ELAVL2: variants seen among roughly 807,000 people sequenced by gnomAD.
The protein encoded by ELAVL2 is ELAV-like protein 2.
A neutral mutation model predicts 34.6 loss-of-function variants in ELAVL2; 4 were observed. The ratio of observed to expected loss-of-function variants is 0.12; its 90% CI spans 0.06 to 0.26. The LOEUF (loss-of-function observed/expected upper bound fraction) is 0.26, where lower values mean the gene tolerates loss of function less well. Ranked by LOEUF, ELAVL2 falls within the 10% of genes least tolerant of loss-of-function variation. The pLI is 1.00. For missense variants in ELAVL2, 432 were observed against 442.8 expected, an observed-to-expected ratio of 0.98 and a Z score of 0.22; for synonymous variants, 193 against 154.8, an observed-to-expected ratio of 1.25 and a Z score of -1.83.
intron 3 of ELAVL2, among the ~76,000 whole-genome samples, chr9:23,720,517 T>G (rs903824691): frequency 5.9e-5 from 9 of 152,158 alleles, no homozygotes; most frequent in Non-Finnish European, 1.3e-4. Context: ...CTGAAAATTC[T>G]CCAAATACCC....
At chr9:23,704,758 A>G (rs564077135) in intron 4 of ELAVL2, among the ~76,000 whole-genome samples, 160 bp downstream of exon 4, 1 of 152,264 alleles carries the variant, frequency 6.6e-6, no homozygotes, top group African/African-American at 2.4e-5. Context: ...ATTTTTATCC[A>G]TGCATATTTA....
chr9:23,765,959 T>C (rs2056159814), intron 1 of ELAVL2, among the ~76,000 whole-genome samples: 1 of 152,156 alleles, frequency 6.6e-6, no homozygotes, highest in Non-Finnish European at 1.5e-5. Flanking sequence ...AGCCATGATA[T>C]TGGCACAAAA....
At chr9:23,726,883 T>C (rs761507598) in intron 3 of ELAVL2, among the ~76,000 whole-genome samples, 2 of 152,042 alleles carry the variant, frequency 1.3e-5, no homozygotes, top group African/African-American at 4.8e-5. Context: ...CTGAACACAG[T>C]AGGTACAACC....
intron 1 of ELAVL2, among the ~76,000 whole-genome samples, chr9:23,796,060 A>G (rs553035355): frequency 2.6e-5 from 4 of 152,216 alleles, no homozygotes; most frequent in Non-Finnish European, 5.9e-5. Flanking sequence ...TTGTTTCTTA[A>G]TTTTTATGAG....
Position 23,695,828 on chromosome 9 carries a change from C to T in ELAVL2, c.714-2342G>A, listed in dbSNP as rs542081570. Among the ~76,000 whole-genome samples, 21 of 152,206 alleles carry T rather than the reference C, an allele frequency of 1.4e-4. No homozygotes were observed. In the East Asian group the frequency reaches 3.7e-3, roughly 27 times the overall value. ...TTTTGCAGTCTACTATATTATGGTA[C>T]CACGGTCGTACATGTGATTAACTGA... is the stretch of plus-strand genomic sequence containing the variant. On this transcript the variant is annotated intron_variant, in intron 5 of 6. Transcript: ENST00000397312.
chr9:23,765,185 A>G, intron 1 of ELAVL2: 1 of 1,247,348 alleles, frequency 8.0e-7, no homozygotes, highest in African/African-American at 1.5e-5. Flanking sequence ...CAGTGATTGT[A>G]TTGATATTCC....
chr9:23,715,397 C>G (rs2042034773), intron 3 of ELAVL2, among the ~76,000 whole-genome samples: 1 of 152,218 alleles, frequency 6.6e-6, no homozygotes, highest in Admixed American at 6.5e-5. Flanking sequence ...AGCCGCCCGT[C>G]TCGGCCTCCC....
chr9:23,804,580 T>C (rs1324987235), intron 1 of ELAVL2, among the ~76,000 whole-genome samples: 1 of 152,188 alleles, frequency 6.6e-6, no homozygotes, highest in Non-Finnish European at 1.5e-5. Flanking sequence ...TTACAATAGA[T>C]ACCTTATACA....
At chr9:23,769,196 A>T (rs1418985520) in intron 1 of ELAVL2, among the ~76,000 whole-genome samples, 1 of 151,762 alleles carries the variant, frequency 6.6e-6, no homozygotes, top group Non-Finnish European at 1.5e-5. Flanking sequence ...AGCCAAACAT[A>T]CAAAACACAA....
intron 5 of ELAVL2, among the ~76,000 whole-genome samples, chr9:23,693,892 T>C (rs962666007): frequency 2.0e-5 from 3 of 152,204 alleles, no homozygotes; most frequent in African/African-American, 7.2e-5. Flanking sequence ...ACACAGGGTT[T>C]AAGTGGCTTG....
At chr9:23,768,966 G>C (rs186506537) in intron 1 of ELAVL2, among the ~76,000 whole-genome samples, 2 of 152,288 alleles carry the variant, frequency 1.3e-5, no homozygotes, top group Admixed American at 6.5e-5. Flanking sequence ...TAGAGGCAAA[G>C]ACAAGCTTAT....
chr9:23,793,909 C>G (rs1027821372), intron 1 of ELAVL2, among the ~76,000 whole-genome samples: 1 of 151,244 alleles, frequency 6.6e-6, no homozygotes, highest in African/African-American at 2.5e-5. Flanking sequence ...TTGCTTACCC[C>G]TTTAAAAACA....
intron 2 of ELAVL2, among the ~76,000 whole-genome samples, chr9:23,749,905 TA>T (rs1028777095): frequency 3.3e-5 from 5 of 151,828 alleles, no homozygotes; most frequent in African/African-American, 1.2e-4. Flanking sequence ...TGGTGCCTAC[TA>T]ACAACTACGC....
chr9:23,733,396 C>G (rs2047080886), intron 2 of ELAVL2, among the ~76,000 whole-genome samples: 1 of 152,082 alleles, frequency 6.6e-6, no homozygotes, highest in Non-Finnish European at 1.5e-5. Context: ...AGCATTGGTA[C>G]TAGCTTTTTA....
chr9:23,779,604 T>C (rs2058758839), intron 1 of ELAVL2, among the ~76,000 whole-genome samples: 1 of 152,056 alleles, frequency 6.6e-6, no homozygotes, highest in Non-Finnish European at 1.5e-5. Context: ...ATCAGAGCAA[T>C]TACAGTTTGG....
At chr9:23,796,869 T>C (rs2060994055) in intron 1 of ELAVL2, among the ~76,000 whole-genome samples, 1 of 152,172 alleles carries the variant, frequency 6.6e-6, no homozygotes, top group South Asian at 2.1e-4. Flanking sequence ...CTAGAGAAAA[T>C]AGATTCTGAC....
At chr9:23,778,191 C>G (rs1021417051) in intron 1 of ELAVL2, among the ~76,000 whole-genome samples, 2 of 152,084 alleles carry the variant, frequency 1.3e-5, no homozygotes, top group African/African-American at 4.8e-5. Flanking sequence ...ATGGACTCTG[C>G]TTAAATAAAT....
At chr9:23,824,395 C>A (rs1466038436) in intron 1 of ELAVL2, among the ~76,000 whole-genome samples, 1 of 152,156 alleles carries the variant, frequency 6.6e-6, no homozygotes, top group Non-Finnish European at 1.5e-5. Context: ...CATCCCTAGC[C>A]CCCACCGCCC....
At chr9:23,752,530 C>T (rs543583686) in intron 2 of ELAVL2, among the ~76,000 whole-genome samples, 9 of 151,868 alleles carry the variant, frequency 5.9e-5, no homozygotes, top group African/African-American at 2.2e-4. Context: ...CAGTGGCTCA[C>T]TGCAACCTCC....
Sources: allele counts gnomAD v4.1 joint callset (sites outside exome capture counted in the v4.1 genomes callset), GRCh38; gene constraint gnomAD v4.1.1; transcripts MANE v1.5; gene names NCBI Gene and HGNC (gene_info 2026-07-23, HGNC 2026-07-21).